Variants in TENM2 observed in about 807,000 individuals in gnomAD.
TENM2 encodes the protein teneurin transmembrane protein 2, also known as teneurin-2.
In TENM2, 52 loss-of-function variants were observed where a neutral mutation model predicts 245.2. The observed-to-expected ratio is 0.21, with a 90% confidence interval of 0.17 to 0.27. TENM2 has a LOEUF of 0.27. TENM2 is among the 10% of genes least tolerant of loss of function. The pLI, the probability that TENM2 is intolerant of heterozygous loss-of-function variation, is 1.00. For synonymous variants in TENM2, 1,363 were observed against 1,438.9 expected (o/e 0.95, Z 1.19); for missense variants, 3,046 against 3,666.8 (o/e 0.83, Z 4.37).
At chr5:167,947,465 T>C (rs1047750875) in intron 3 of TENM2, among the ~76,000 whole-genome samples, 2 of 152,182 alleles carry the variant, frequency 1.3e-5, no homozygotes, top group African/African-American at 4.8e-5. Flanking sequence ...TCCACACATC[T>C]GGTCAGTGGC....
chr5:167,593,270 C>T lies in TENM2; in HGVS notation c.502+217797C>T, dbSNP rs183929864. 6.2e-4 allele frequency among the ~76,000 whole-genome samples: 94 copies of T among 152,244 alleles called. No individual in the cohort carries two copies. In the East Asian group the frequency reaches 7.9e-3, roughly 13 times the overall value. ...ATGACTTTGAGTTTTAATCGAATCA[C>T]GAAGAATATTTGATCTGACCCTCTC... On this transcript the variant is annotated intron_variant, in intron 2 of 28. Coordinates refer to ENST00000518659, the Ensembl canonical transcript of TENM2.
At chr5:167,862,662 G>A (rs1178860937) in intron 2 of TENM2, among the ~76,000 whole-genome samples, 1 of 152,192 alleles carries the variant, frequency 6.6e-6, no homozygotes, top group African/African-American at 2.4e-5. Flanking sequence ...TGAGCCTTCA[G>A]AGAAGAGTAC....
the TENM2 span, among the ~76,000 whole-genome samples, chr5:167,242,603 A>G: frequency 1.3e-5 from 2 of 152,182 alleles, no homozygotes; most frequent in Non-Finnish European, 2.9e-5. Flanking sequence ...GAAGACCTTT[A>G]TGATGATCCA....
rs183664863 is a variant in TENM2 at position 167,436,848 on chromosome 5, A to G, written c.502+61375A>G. On this transcript the variant is annotated intron_variant, in intron 2 of 28. Coordinates refer to ENST00000518659, the Ensembl canonical transcript of TENM2. Reference sequence around the variant, plus strand: ...ATCTTCCACGTGGTGTTGAGCCTGCAGGTGCACAGAAGTCAAGAATTGAGG... The same window carrying G: ...ATCTTCCACGTGGTGTTGAGCCTGCGGGTGCACAGAAGTCAAGAATTGAGG... Among the ~76,000 whole-genome samples the G allele has an allele frequency of 3.4e-3, 521 of 152,308 alleles. 2 individuals carry two copies. The highest frequency in any genetic ancestry group is 3.5e-3 in the Non-Finnish European group (241 of 68,036).
At position 167,293,858 on chromosome 5, in the gene TENM2, A is replaced by G. The variant is rs571593358; in HGVS notation, c.226+8795A>G. On this transcript the variant is annotated intron_variant, in intron 1 of 28. Coordinates refer to ENST00000518659, the Ensembl canonical transcript of TENM2. ...GAGCACTTCATACGGATCCCAGGCA[A>G]GGAAAAAATAGAGAAGAGATTATGC... Among the ~76,000 whole-genome samples the G allele has an allele frequency of 5.3e-5, 8 of 152,110 alleles. No homozygotes were observed. In the South Asian group the frequency reaches 1.7e-3, roughly 32 times the overall value.
chr5:167,298,863 G>A (rs1326992527), intron 1 of TENM2, among the ~76,000 whole-genome samples: 2 of 152,228 alleles, frequency 1.3e-5, no homozygotes, highest in Non-Finnish European at 2.9e-5. Flanking sequence ...CAAGAGCAGG[G>A]CATGTATGAG....
chr5:167,325,076 C>T (rs1317198703), intron 1 of TENM2, among the ~76,000 whole-genome samples: 1 of 152,078 alleles, frequency 6.6e-6, no homozygotes, highest in Non-Finnish European at 1.5e-5. Flanking sequence ...GTCTTTTAAT[C>T]TCTTAAACTG....
chr5:167,999,645 T>C (rs1784288484), intron 5 of TENM2, among the ~76,000 whole-genome samples: 1 of 152,210 alleles, frequency 6.6e-6, no homozygotes, highest in African/African-American at 2.4e-5. Context: ...ACGTGGCCTC[T>C]TTAAAAACAT....
intron 1 of TENM2, among the ~76,000 whole-genome samples, chr5:167,336,747 A>G (rs558538968): frequency 1.1e-4 from 16 of 152,180 alleles, no homozygotes; most frequent in African/African-American, 3.9e-4. Flanking sequence ...CATAATGATG[A>G]AAGGAAATGC....
At chr5:167,813,299 T>C (rs1259722671) in intron 2 of TENM2, among the ~76,000 whole-genome samples, 5 of 151,900 alleles carry the variant, frequency 3.3e-5, no homozygotes, top group African/African-American at 1.2e-4. Flanking sequence ...GATGAATGAT[T>C]TGGGAGGCTT....
intron 3 of TENM2, among the ~76,000 whole-genome samples, chr5:167,887,617 A>C (rs1420516299): frequency 2.0e-5 from 3 of 152,216 alleles, no homozygotes; most frequent in Non-Finnish European, 4.4e-5. Flanking sequence ...CCAAAATAAC[A>C]GTTCTTTCTT....
At chr5:167,499,424 A>G (rs1374184121) in intron 2 of TENM2, among the ~76,000 whole-genome samples, 2 of 152,220 alleles carry the variant, frequency 1.3e-5, no homozygotes, top group Non-Finnish European at 2.9e-5. Context: ...TTAGAGATGC[A>G]TACTGAAATA....
In TENM2 at chr5:168,126,830, C is replaced by T. The variant is rs113328312; in HGVS notation, c.2286C>T (p.Gly762=). 3,434 of 1,612,892 alleles carry T rather than the reference C, an allele frequency of 2.1e-3. 63 individuals are homozygous for T. In the African/African-American group the frequency reaches 0.041, roughly 19 times the overall value. ...GCCGCTGTGAAGAGGGCTGGACAGG[C>T]GCAGCGTGTGACCAGCGCGTGTGCC... The change falls in exon 12 of 29, where the codon GGC becomes GGT. Residue 762 remains glycine, a synonymous_variant. Transcript: ENST00000518659.
At chr5:167,217,468 A>G in the TENM2 span, among the ~76,000 whole-genome samples, 1 of 151,742 alleles carries the variant, frequency 6.6e-6, no homozygotes, top group African/African-American at 2.4e-5. Flanking sequence ...TTACTTGAAA[A>G]CCCTTGTGAT....
At chr5:167,569,078 C>CTTTTTTT (rs34311803) in intron 2 of TENM2, among the ~76,000 whole-genome samples, 10 of 48,966 alleles carry the variant, frequency 2.0e-4, no homozygotes, top group East Asian at 6.7e-4. Flanking sequence ...CTTCCTACAG[C>CTTTTTTT]TTTTTTTTTT....
chr5:167,720,174 A>G (rs1759533496), intron 2 of TENM2, among the ~76,000 whole-genome samples: 1 of 152,246 alleles, frequency 6.6e-6, no homozygotes, highest in Admixed American at 6.5e-5. Context: ...AACACGGGAC[A>G]GGAAACACTG....
chr5:167,176,334 A>C, the TENM2 span, among the ~76,000 whole-genome samples: 1 of 152,180 alleles, frequency 6.6e-6, no homozygotes, highest in African/African-American at 2.4e-5. Flanking sequence ...ACTTTTGTGA[A>C]GCTTTTCTTG....
At chr5:167,040,011 A>G in the TENM2 span, among the ~76,000 whole-genome samples, 1 of 152,196 alleles carries the variant, frequency 6.6e-6, no homozygotes, top group Non-Finnish European at 1.5e-5. Context: ...ATCTGTCTGC[A>G]TAGAGACACA....
intron 3 of TENM2, among the ~76,000 whole-genome samples, chr5:167,919,276 T>C (rs1282500830): frequency 1.3e-5 from 2 of 152,216 alleles, no homozygotes; most frequent in East Asian, 3.9e-4. Context: ...ACAGAGGTTG[T>C]GCTGTCGAGA....
Sources: gnomAD v4.1 joint callset for allele counts (sites outside exome capture counted in the v4.1 genomes callset) on GRCh38, gnomAD v4.1.1 for gene constraint, MANE v1.5 for transcripts, NCBI Gene and HGNC (gene_info 2026-07-23, HGNC 2026-07-21) for gene names.